NBPF20: variants seen among roughly 807,000 people sequenced by gnomAD.
The protein encoded by NBPF20 is NBPF family member NBPF20.
NBPF20 carries 90 observed loss-of-function variants against 68.1 expected under a neutral mutation model. The ratio of observed to expected loss-of-function variants is 1.32; its 90% CI spans 1.11 to 1.58. The LOEUF (loss-of-function observed/expected upper bound fraction) is 1.58. NBPF20 is among the 40% of genes most tolerant of loss of function. The probability of loss-of-function intolerance (pLI) is 0.00; values close to 1 mark genes in which losing one functional copy is unlikely to be tolerated. For synonymous variants in NBPF20, 290 were observed against 228.1 expected, an observed-to-expected ratio of 1.27 and a Z score of -2.45; for missense variants, 816 against 601.2, an observed-to-expected ratio of 1.36 and a Z score of -3.74.
chr1:145,399,842 A>G (rs1662430135), intron 6 of NBPF20, among the ~76,000 whole-genome samples: 1 of 144,178 alleles, frequency 6.9e-6, no homozygotes, highest in South Asian at 2.3e-4. Context: ...CATTGCATTG[A>G]CAGGGTGGAG....
intron 136 of NBPF20, 39 bp from the exon 142 acceptor site, chr1:145,292,528 A>C: frequency 1.5e-6 from 1 of 684,246 alleles, no homozygotes; most frequent in Non-Finnish European, 2.6e-6. Context: ...CATTAAGCTG[A>C]TTCCCCTACA....
At chr1:145,412,213 C>T in the NBPF20 span, among the ~76,000 whole-genome samples, 5 of 151,984 alleles carry the variant, frequency 3.3e-5, 1 homozygote, top group Middle Eastern at 0.017. Flanking sequence ...TCCAAATGTT[C>T]CTCTGGCTCT....
chr1:145,416,319 GACT>G, the NBPF20 span, among the ~76,000 whole-genome samples: 3 of 120,968 alleles, frequency 2.5e-5, no homozygotes, highest in Admixed American at 9.0e-5. Context: ...CCATAAACAG[GACT>G]ACTATTATGT....
At chr1:145,416,658 T>C in the NBPF20 span, among the ~76,000 whole-genome samples, 1 of 151,786 alleles carries the variant, frequency 6.6e-6, no homozygotes, top group East Asian at 1.9e-4. Flanking sequence ...AAACAAACTT[T>C]TGGGTTTCTA....
chr1:145,409,686 C>A (rs1337161093), upstream of NBPF20, among the ~76,000 whole-genome samples: 1 of 150,858 alleles, frequency 6.6e-6, no homozygotes, highest in African/African-American at 2.4e-5. Context: ...AAGATAAGGG[C>A]CCCCAGCACC....
At chr1:145,400,734 C>T (rs1339615848) in intron 5 of NBPF20, 140 bp from the exon 11 acceptor site, 9 of 1,388,688 alleles carry the variant, frequency 6.5e-6, no homozygotes, top group Non-Finnish European at 8.1e-6. Context: ...TAAGGGGGAA[C>T]ATGCAATCCT....
chr1:145,334,944 C>T (rs1398034950), intron 83 of NBPF20, among the ~76,000 whole-genome samples: 13 of 117,670 alleles, frequency 1.1e-4, no homozygotes, highest in African/African-American at 3.4e-4. Context: ...TCGGGACACA[C>T]AGCGAACAGT....
chr1:145,390,371 CAG>C lies in NBPF20; in HGVS notation c.1494-257_1494-256del, dbSNP rs1394270457. On this transcript the variant is annotated intron_variant, in intron 13 of 137. Coordinates refer to ENST00000369373, the Ensembl canonical transcript of NBPF20. ...ACACACACACAGACACACACACACA[CAG>C]AGAGAGAACGAGCTCAGTGAATTGT... 6.7e-5 allele frequency among the ~76,000 whole-genome samples: 4 copies of C among 59,812 alleles called. 1 individual carries two copies. In the Admixed American group the frequency reaches 6.8e-4, roughly 10 times the overall value. The allele number at this position is 59,812 out of a possible 152,430, so 39.2% of individuals were successfully genotyped here.
Position 145,402,968 on chromosome 1 carries a change from T to A in NBPF20, c.278+248A>T, listed in dbSNP as rs1386896950. Among the ~76,000 whole-genome samples, 227 of 151,872 alleles carry A rather than the reference T, an allele frequency of 1.5e-3. 2 individuals carry two copies. The highest frequency in any genetic ancestry group is 5.3e-3 in the African/African-American group (220 of 41,396). On this transcript the variant is annotated intron_variant, in intron 3 of 137. Transcript: ENST00000369373. ...CACACTCCTTTGGTTAATTTTGTGT[T>A]ATGTAAATTTCACATCAACAATTAC...
upstream of NBPF20, among the ~76,000 whole-genome samples, chr1:145,410,422 C>A (rs1209713321): frequency 6.7e-6 from 1 of 149,922 alleles, no homozygotes; most frequent in African/African-American, 2.4e-5. Context: ...TCACGCCATT[C>A]TCCTGCCTCA....
Position 145,393,403 on chromosome 1 carries a change from T to C in NBPF20, c.1044-157A>G, listed in dbSNP as rs1233607656. On this transcript the variant is annotated intron_variant, in intron 9 of 137. Coordinates refer to ENST00000369373, the Ensembl canonical transcript of NBPF20. ...TTATTGCCTTTATGTTGGGATAGACTAGGGCCAGGTAGAAAAGGATGAAAG... is the reference window on the plus strand; with the variant it reads ...TTATTGCCTTTATGTTGGGATAGACCAGGGCCAGGTAGAAAAGGATGAAAG... 3.4e-4 allele frequency among the ~76,000 whole-genome samples: 52 copies of C among 150,784 alleles called. 1 individual carries two copies. Among genetic ancestry groups the C allele is most frequent in the Admixed American group, 7.3e-4 (11 of 15,116 alleles).
At chr1:145,394,757 A>T (rs1249804917) in intron 8 of NBPF20, among the ~76,000 whole-genome samples, 1 of 152,002 alleles carries the variant, frequency 6.6e-6, no homozygotes, top group Non-Finnish European at 1.5e-5. Context: ...CCAGGTTGGC[A>T]CGGGCATGGC....
chr1:145,291,733 T>C, exon 138 of NBPF20: 2 of 1,611,906 alleles, frequency 1.2e-6, no homozygotes, highest in Non-Finnish European at 1.7e-6. Context: ...CCTGTAAGAC[T>C]TCAGGCTCTT....
At chr1:145,311,639 A>T (rs1248252076) in intron 112 of NBPF20, among the ~76,000 whole-genome samples, 151 bp from the exon 118 acceptor site, 1 of 23,756 alleles carries the variant, frequency 4.2e-5, no homozygotes, top group Non-Finnish European at 6.2e-5. Context: ...CTGAAGGCTG[A>T]TCACGATAGA....
intron 7 of NBPF20, among the ~76,000 whole-genome samples, chr1:145,396,782 A>ATTTT (rs1662267499): frequency 6.7e-6 from 1 of 149,860 alleles, no homozygotes; most frequent in African/African-American, 2.5e-5. Flanking sequence ...ACAGATATAT[A>ATTTT]TAATACTTTA....
rs1662152809 is a variant in NBPF20, at chr1:145,394,963, C to G, written c.991+15G>C. 9.9e-6 allele frequency: 16 copies of G among 1,612,010 alleles called. No individual in the cohort carries two copies. The highest frequency in any genetic ancestry group is 2.7e-5 in the African/African-American group (2 of 74,986). ...ATGAACTGGAGCTTTATCACCTTCA[C>G]AGTGTAGTACTCACTGCCTATGTCA... is the stretch of plus-strand genomic sequence containing the variant. On this transcript the variant is annotated intron_variant, in intron 8 of 137. Coordinates refer to ENST00000369373, the Ensembl canonical transcript of NBPF20.
chr1:145,399,840 T>C (rs1464313038), intron 6 of NBPF20, among the ~76,000 whole-genome samples: 26 of 142,344 alleles, frequency 1.8e-4, no homozygotes, highest in Non-Finnish European at 3.6e-4. Flanking sequence ...GCCATTGCAT[T>C]GACAGGGTGG....
upstream of NBPF20, among the ~76,000 whole-genome samples, chr1:145,410,147 A>G (rs1436904949): frequency 1.3e-5 from 2 of 151,930 alleles, no homozygotes. Context: ...CTACAAGTAT[A>G]AGACTTCCAA....
At chr1:145,425,004 T>A in the NBPF20 span, among the ~76,000 whole-genome samples, 1 of 152,098 alleles carries the variant, frequency 6.6e-6, no homozygotes, top group South Asian at 2.1e-4. Flanking sequence ...AGGCAACCGA[T>A]GTCTGGCCTC....
Sources: allele counts gnomAD v4.1 joint callset (sites outside exome capture counted in the v4.1 genomes callset), GRCh38; gene constraint gnomAD v4.1.1; transcripts MANE v1.5; gene names NCBI Gene and HGNC (gene_info 2026-07-23, HGNC 2026-07-21).